Variants in EPB41L4B observed in about 807,000 individuals in gnomAD.
The protein encoded by EPB41L4B is band 4.1-like protein 4B.
A neutral mutation model predicts 112.5 loss-of-function variants in EPB41L4B; 30 were observed. The ratio of observed to expected loss-of-function variants is 0.27; its 90% CI spans 0.20 to 0.36. The LOEUF (loss-of-function observed/expected upper bound fraction) is 0.36. EPB41L4B is among the 10% of genes least tolerant of loss of function. The probability of loss-of-function intolerance (pLI) is 1.00; values close to 1 mark genes in which losing one functional copy is unlikely to be tolerated. For missense variants in EPB41L4B, 1,024 were observed against 1,133.3 expected (o/e 0.90, Z 1.38); for synonymous variants, 408 against 439.7 (o/e 0.93, Z 0.90).
chr9:109,262,452 G>GTGTGTGTGTGTGT (rs34849317), intron 6 of EPB41L4B, among the ~76,000 whole-genome samples: 7 of 149,556 alleles, frequency 4.7e-5, no homozygotes, highest in East Asian at 2.0e-4. Context: ...TGTGTGTGGG[G>GTGTGTGTGTGTGT]GTGTGTGTGT....
chr9:109,247,213 A>T (rs1225172113), intron 14 of EPB41L4B, among the ~76,000 whole-genome samples: 1 of 143,926 alleles, frequency 6.9e-6, no homozygotes. Context: ...GTGAGAGGGG[A>T]GCAATTCGCA....
chr9:109,273,660 G>GC (rs1204873261), intron 2 of EPB41L4B, among the ~76,000 whole-genome samples: 1 of 152,098 alleles, frequency 6.6e-6, no homozygotes, highest in Non-Finnish European at 1.5e-5. Flanking sequence ...CCACAAGCAA[G>GC]CCCCCCCACA....
At chr9:109,265,121 G>A in intron 4 of EPB41L4B, 97 bp from the exon 5 acceptor site, 2 of 949,574 alleles carry the variant, frequency 2.1e-6, no homozygotes, top group South Asian at 1.7e-5. Context: ...CACACAGCAT[G>A]GAGTTTTGCA....
chr9:109,320,439 C>G lies in EPB41L4B; in HGVS notation c.8G>C (p.Arg3Pro), dbSNP rs1351607779. ML[R>P]FLRRTFGRRS... Reference sequence around the variant, plus strand: ...GCGGCCAAAGGTCCGGCGCAGGAACCGCAGCATCCTGGCTGGGGGCGCCCC... The same window carrying G: ...GCGGCCAAAGGTCCGGCGCAGGAACGGCAGCATCCTGGCTGGGGGCGCCCC... Residue 3 changes from arginine to proline, a missense_variant, in exon 1 of 26, where the codon CGG becomes CCG. Physicochemically the swap from Arg to Pro is moderately radical, Grantham distance 103. Transcript: ENST00000374566. 4.0e-6 allele frequency: 4 copies of G among 990,764 alleles called. No individual in the cohort carries two copies. In the Admixed American group the frequency reaches 1.9e-4, roughly 46 times the overall value. The allele number at this position is 990,764 out of a possible 1,614,324, so 61.4% of individuals were successfully genotyped here.
At chr9:109,309,203 T>C (rs926073423) in intron 1 of EPB41L4B, among the ~76,000 whole-genome samples, 1 of 152,126 alleles carries the variant, frequency 6.6e-6, no homozygotes, top group Non-Finnish European at 1.5e-5. Flanking sequence ...TTAGGGTCCA[T>C]ATATAGTTCT....
chr9:109,292,005 G>A (rs996712371), intron 1 of EPB41L4B, among the ~76,000 whole-genome samples: 3 of 152,128 alleles, frequency 2.0e-5, no homozygotes, highest in Admixed American at 6.5e-5. Flanking sequence ...GATTCAAAGC[G>A]CTCATTTCTT....
chr9:109,299,570 G>T (rs1836876484), intron 1 of EPB41L4B, among the ~76,000 whole-genome samples: 1 of 152,086 alleles, frequency 6.6e-6, no homozygotes, highest in Non-Finnish European at 1.5e-5. Flanking sequence ...TTATAGGCAT[G>T]AGCCATGATG....
intron 24 of EPB41L4B, 38 bp from the exon 25 acceptor site, chr9:109,176,734 T>A: frequency 6.2e-7 from 1 of 1,610,794 alleles, no homozygotes; most frequent in Non-Finnish European, 8.5e-7. Context: ...CAATCTCAAT[T>A]TGGGTTCCAT....
chr9:109,233,656 G>A (rs1175533917), intron 15 of EPB41L4B, among the ~76,000 whole-genome samples: 1 of 151,370 alleles, frequency 6.6e-6, no homozygotes, highest in East Asian at 1.9e-4. Context: ...TCAGACTCCT[G>A]AGTAGCTGGG....
chr9:109,185,556 G>A lies in EPB41L4B; in HGVS notation c.2351C>T (p.Pro784Leu), dbSNP rs1460589340. The stretch of plus-strand genomic sequence containing the variant: ...CTCTTCCTTCATGGGGAGAGAGAGT[G>A]GAGGAGAACAGCGAGAGTGGGCACA... ...PHCAHSRCSP[P>L]LSLPMKEETT... Residue 784 changes from proline (P) to leucine (L), a missense_variant, in exon 23 of 26, where the codon CCA becomes CTA. Transcript: ENST00000374566. 4 of 1,613,144 alleles carry A rather than the reference G, an allele frequency of 2.5e-6. No individual in the cohort carries two copies. Among genetic ancestry groups the A allele is most frequent in the Non-Finnish European group, 3.4e-6 (4 of 1,179,436 alleles).
chr9:109,320,481 CG>C lies in EPB41L4B; in HGVS notation c.-36del. ...GGGCGCCCCCTGCCTCCGCCCCCTG[CG>C]CTGCCGCTGCCGCTGCCGCTGCCGC... On this transcript the variant is annotated 5_prime_UTR_variant, in exon 1 of 26. Transcript: ENST00000374566. 1 of 706,018 alleles carries C rather than the reference CG, an allele frequency of 1.4e-6. No homozygotes were observed. Among genetic ancestry groups the C allele is most frequent in the Non-Finnish European group, 1.6e-6 (1 of 613,148 alleles). 43.7% of individuals were successfully genotyped at this position (706,018 alleles called of 1,614,324 possible).
chr9:109,306,840 G>C (rs1837220341), intron 1 of EPB41L4B, among the ~76,000 whole-genome samples: 1 of 152,064 alleles, frequency 6.6e-6, no homozygotes, highest in African/African-American at 2.4e-5. Context: ...TTGAAGGCTG[G>C]AACACTATAC....
At chr9:109,262,337 C>T in intron 6 of EPB41L4B, among the ~76,000 whole-genome samples, 1 of 152,186 alleles carries the variant, frequency 6.6e-6, no homozygotes, top group East Asian at 1.9e-4. Context: ...CTTCTAACCT[C>T]TATCCATCCC....
intron 23 of EPB41L4B, 107 bp downstream of exon 23, chr9:109,185,382 C>T: frequency 3.3e-6 from 3 of 919,264 alleles, no homozygotes; most frequent in Non-Finnish European, 5.3e-6. Context: ...TGGGCTCTGC[C>T]CGAGATCTGG....
At chr9:109,204,432 A>G (rs1366169084) in intron 18 of EPB41L4B, among the ~76,000 whole-genome samples, 1 of 152,190 alleles carries the variant, frequency 6.6e-6, no homozygotes, top group Non-Finnish European at 1.5e-5. Context: ...TTAGCCTGTC[A>G]AGATTGCCCA....
intron 1 of EPB41L4B, among the ~76,000 whole-genome samples, chr9:109,291,285 A>C (rs2119180581): frequency 6.6e-6 from 1 of 152,320 alleles, no homozygotes; most frequent in South Asian, 2.1e-4. Context: ...TATGCCTTGC[A>C]AACAAGAAAT....
At chr9:109,244,357 G>A (rs1834463991) in intron 14 of EPB41L4B, among the ~76,000 whole-genome samples, 1 of 150,366 alleles carries the variant, frequency 6.7e-6, no homozygotes, top group Admixed American at 6.6e-5. Context: ...AGGCAGGTAG[G>A]GAAAGAGAGA....
At position 109,174,320 on chromosome 9, in the gene EPB41L4B, G is replaced by T; in HGVS notation, c.*234C>A. On this transcript the variant is annotated 3_prime_UTR_variant, in exon 26 of 26. Transcript: ENST00000374566. Reference sequence around the variant, plus strand: ...CCGTTTTCCCATCTTTCTTTTCCTAGACTTATCAAATCCTGTCTCAACTAC... The same window carrying T: ...CCGTTTTCCCATCTTTCTTTTCCTATACTTATCAAATCCTGTCTCAACTAC... The T allele has an allele frequency of 2.2e-6, 1 of 452,322 alleles. No individual in the cohort carries two copies. The highest frequency in any genetic ancestry group is 4.0e-6 in the Non-Finnish European group (1 of 249,010). The allele number at this position is 452,322 out of a possible 1,614,324, so 28.0% of individuals were successfully genotyped here.
At chr9:109,237,718 C>T (rs1172391273) in intron 15 of EPB41L4B, among the ~76,000 whole-genome samples, 2 of 151,948 alleles carry the variant, frequency 1.3e-5, no homozygotes, top group African/African-American at 4.8e-5. Context: ...GTTATTAGAT[C>T]ACAGGTGATG....
Sources: allele counts gnomAD v4.1 joint callset (sites outside exome capture counted in the v4.1 genomes callset), GRCh38; gene constraint gnomAD v4.1.1; transcripts MANE v1.5; gene names NCBI Gene and HGNC (gene_info 2026-07-23, HGNC 2026-07-21).